Variants in TJP2 observed in about 807,000 individuals in gnomAD.
The protein encoded by TJP2 is tight junction protein 2.
TJP2 carries 91 observed loss-of-function variants against 133.1 expected under a neutral mutation model. That is an observed-to-expected ratio of 0.68 (90% CI 0.58 to 0.81). The LOEUF is 0.81. Ranked by LOEUF, TJP2 falls within the 40% of genes least tolerant of loss-of-function variation. The pLI, the probability that TJP2 is intolerant of heterozygous loss-of-function variation, is 0.00. For synonymous variants in TJP2, 592 were observed against 583.4 expected, an observed-to-expected ratio of 1.01 and a Z score of -0.21; for missense variants, 1,541 against 1,565.6, an observed-to-expected ratio of 0.98 and a Z score of 0.26.
In TJP2 at chr9:69,249,489, C is replaced by G; in HGVS notation, c.2991+4C>G. 1 of 1,599,242 alleles carries G rather than the reference C, an allele frequency of 6.3e-7. No homozygotes were observed. The highest frequency in any genetic ancestry group is 8.5e-7 in the Non-Finnish European group (1 of 1,171,778). ...ATTCAAGCCAGAGCCGCCCAAGGTACGTGGCTGGGAAGCCCAGGATGGGAA... is the reference window on the plus strand; with the variant it reads ...ATTCAAGCCAGAGCCGCCCAAGGTAGGTGGCTGGGAAGCCCAGGATGGGAA... On this transcript the variant is annotated splice_donor_region_variant and intron_variant, in intron 20 of 22. Transcript: ENST00000377245.
chr9:69,168,637 A>G (rs1368529650), intron 2 of TJP2, among the ~76,000 whole-genome samples: 1 of 151,784 alleles, frequency 6.6e-6, no homozygotes, highest in Non-Finnish European at 1.5e-5. Flanking sequence ...TCTACTAAAA[A>G]TACAAAAATT....
intron 1 of TJP2, among the ~76,000 whole-genome samples, chr9:69,129,484 T>G (rs1054121742): frequency 2.6e-5 from 4 of 151,976 alleles, no homozygotes; most frequent in Admixed American, 2.6e-4. Context: ...GCACTCCACC[T>G]GGGCAACAGA....
intron 5 of TJP2, among the ~76,000 whole-genome samples, chr9:69,224,765 C>T (rs768336248): frequency 3.9e-5 from 6 of 152,070 alleles, no homozygotes; most frequent in Admixed American, 3.3e-4. Context: ...CATTTTGCCA[C>T]ACTTTCTTTT....
chr9:69,145,234 C>T (rs1467009939), intron 1 of TJP2, among the ~76,000 whole-genome samples: 1 of 152,170 alleles, frequency 6.6e-6, no homozygotes, highest in Non-Finnish European at 1.5e-5. Flanking sequence ...TGTCAAAGCA[C>T]AGGCTTTTAG....
intron 9 of TJP2, 129 bp downstream of exon 9, chr9:69,228,243 A>G (rs1000595266): frequency 4.3e-6 from 5 of 1,173,808 alleles, no homozygotes; most frequent in Non-Finnish European, 4.9e-6. Context: ...ATCCTAAGCT[A>G]ATTAACATGG....
intron 2 of TJP2, among the ~76,000 whole-genome samples, chr9:69,215,125 C>T (rs74443963): frequency 2.0e-5 from 3 of 152,076 alleles, no homozygotes; most frequent in African/African-American, 7.2e-5. Context: ...TGGGTACACA[C>T]AGACACAAGG....
chr9:69,146,704 C>T (rs1294804189), intron 1 of TJP2, among the ~76,000 whole-genome samples: 1 of 139,424 alleles, frequency 7.2e-6, no homozygotes, highest in Non-Finnish European at 1.5e-5. Flanking sequence ...ATTTTGCTCC[C>T]CAGGGGACAA....
chr9:69,237,037 G>A lies in TJP2; in HGVS notation c.2080G>A (p.Gly694Arg). 2 of 1,614,180 alleles carry A rather than the reference G, an allele frequency of 1.2e-6. No homozygotes were observed. The highest frequency in any genetic ancestry group is 1.7e-6 in the Non-Finnish European group (2 of 1,180,038). ...CTGGAGAATGCGTGGCCAGAGGTCT[G>A]GGGTGAAGAAGAACCTGAGGAAAAG... Reference protein sequence around the residue: ...DFWRMRGQRSGVKKNLRKSRE... With the variant: ...DFWRMRGQRSRVKKNLRKSRE... The change falls in exon 14 of 23, where the codon GGG (glycine) becomes AGG (arginine). Residue 694 changes from glycine to arginine, a missense_variant. Coordinates refer to ENST00000377245, the MANE Select transcript of TJP2 (RefSeq NM_004817.4).
chr9:69,210,234 A>G (rs1044401449), intron 1 of TJP2, among the ~76,000 whole-genome samples: 6 of 145,654 alleles, frequency 4.1e-5, no homozygotes, highest in African/African-American at 7.5e-5. Context: ...GGTTGCAGTG[A>G]ACCTAGATCA....
upstream of TJP2, among the ~76,000 whole-genome samples, chr9:69,171,567 G>A (rs1278094148): frequency 4.0e-5 from 6 of 151,896 alleles, 1 homozygote; most frequent in African/African-American, 9.7e-5. Context: ...AACTCATTCC[G>A]ACCTCTCCTT....
In TJP2 at chr9:69,238,770, T is replaced by C. The variant is rs775817547; in HGVS notation, c.2336T>C (p.Val779Ala). ...KSTGVVRLNT[V>A]RQIIEQDKHA... The stretch of plus-strand genomic sequence containing the variant: ...ACTGGAGTGGTCCGGTTAAATACCG[T>C]GAGGCAAATTATTGAACAGGTGAGA... Residue 779 changes from valine to alanine, a missense_variant, in exon 16 of 23, where the codon GTG (valine) becomes GCG (alanine). Coordinates refer to ENST00000377245, the MANE Select transcript of TJP2 (RefSeq NM_004817.4). 2 of 1,613,778 alleles carry C rather than the reference T, an allele frequency of 1.2e-6. No individual in the cohort carries two copies. The highest frequency in any genetic ancestry group is 1.7e-6 in the Non-Finnish European group (2 of 1,179,736).
At chr9:69,190,875 G>A (rs1826158884) in intron 1 of TJP2, among the ~76,000 whole-genome samples, 1 of 152,222 alleles carries the variant, frequency 6.6e-6, no homozygotes, top group Admixed American at 6.5e-5. Context: ...GTATCTATAT[G>A]ATCTCCGTGA....
At chr9:69,159,749 G>A (rs1338097006) in intron 2 of TJP2, among the ~76,000 whole-genome samples, 1 of 151,680 alleles carries the variant, frequency 6.6e-6, no homozygotes, top group Admixed American at 6.6e-5. Context: ...GGTGGAACGC[G>A]CCTGTAGTCC....
At chr9:69,249,619 G>A (rs1831187552) in intron 20 of TJP2, 134 bp downstream of exon 20, 4 of 1,530,448 alleles carry the variant, frequency 2.6e-6, no homozygotes, top group Admixed American at 4.0e-5. Context: ...TTCTCTATTA[G>A]AGCCTATCTT....
chr9:69,209,696 G>A (rs1160743372), intron 1 of TJP2, among the ~76,000 whole-genome samples: 1 of 151,074 alleles, frequency 6.6e-6, no homozygotes, highest in African/African-American at 2.4e-5. Flanking sequence ...GGAGGTTGCA[G>A]TGAGCCCAGA....
chr9:69,218,498 G>C (rs766261758), intron 4 of TJP2, 139 bp downstream of exon 4: 1 of 721,610 alleles, frequency 1.4e-6, no homozygotes, highest in Non-Finnish European at 2.5e-6. Flanking sequence ...AGTACTTTTG[G>C]AGGGGTGTGA....
intron 2 of TJP2, chr9:69,151,829 C>G: frequency 8.1e-7 from 1 of 1,230,574 alleles, no homozygotes; most frequent in Non-Finnish European, 1.0e-6. Flanking sequence ...AAAATTTGTT[C>G]GAATAGTTAC....
chr9:69,149,428 G>C (rs534626960), intron 1 of TJP2, among the ~76,000 whole-genome samples: 2 of 152,028 alleles, frequency 1.3e-5, no homozygotes, highest in South Asian at 4.2e-4. Flanking sequence ...TTGCTTTGTA[G>C]GATGTCCAGA....
At chr9:69,203,744 T>G (rs7868955) in intron 1 of TJP2, among the ~76,000 whole-genome samples, 139,949 of 151,060 alleles carry the variant, frequency 0.93, 64,830 homozygotes, top group Middle Eastern at 0.95. Context: ...CTCCCAAGTA[T>G]CTGGGACTAC....
Sources: allele counts gnomAD v4.1 joint callset (sites outside exome capture counted in the v4.1 genomes callset), GRCh38; gene constraint gnomAD v4.1.1; transcripts MANE v1.5; gene names NCBI Gene and HGNC (gene_info 2026-07-23, HGNC 2026-07-21).